SEMA5A: variants seen among roughly 807,000 people sequenced by gnomAD.
The protein encoded by SEMA5A is semaphorin-5A.
SEMA5A carries 55 observed loss-of-function variants against 135.5 expected under a neutral mutation model. The observed-to-expected ratio is 0.41, with a 90% confidence interval of 0.33 to 0.51. The LOEUF is 0.51. SEMA5A is among the 20% of genes least tolerant of loss of function. The pLI, the probability that SEMA5A is intolerant of heterozygous loss-of-function variation, is 0.37. For missense variants in SEMA5A, 1,290 were observed against 1,419.9 expected (o/e 0.91, Z 1.47); for synonymous variants, 580 against 546.5 (o/e 1.06, Z -0.85).
chr5:9,370,437 G>T (rs1755089845), intron 3 of SEMA5A, among the ~76,000 whole-genome samples: 1 of 152,164 alleles, frequency 6.6e-6, no homozygotes, highest in African/African-American at 2.4e-5. Context: ...GTGGATGACA[G>T]CATGAGTCTG....
intron 3 of SEMA5A, among the ~76,000 whole-genome samples, chr5:9,372,574 C>G (rs1046451731): frequency 6.6e-6 from 1 of 151,882 alleles, no homozygotes; most frequent in African/African-American, 2.4e-5. Flanking sequence ...AGCTGTGGGA[C>G]ACACATGGAA....
chr5:9,449,916 C>A (rs1238975444), intron 1 of SEMA5A, among the ~76,000 whole-genome samples: 1 of 152,210 alleles, frequency 6.6e-6, no homozygotes, highest in Non-Finnish European at 1.5e-5. Context: ...CAATAAAATT[C>A]TCTTTTCAAT....
At chr5:9,531,753 ACT>A (rs1282861513) in intron 1 of SEMA5A, among the ~76,000 whole-genome samples, 4 of 152,178 alleles carry the variant, frequency 2.6e-5, no homozygotes, top group Non-Finnish European at 5.9e-5. Flanking sequence ...GCCTCTACAC[ACT>A]GTCTTCCCAG....
At chr5:9,302,784 T>C (rs6890384) in intron 5 of SEMA5A, among the ~76,000 whole-genome samples, 151,940 of 152,320 alleles carry the variant, frequency 1, 75,783 homozygotes, top group Middle Eastern at 1. Context: ...ATTAGTTCAA[T>C]GTGTTTTCCC....
At chr5:9,052,397 C>A (rs956411003) in intron 19 of SEMA5A, among the ~76,000 whole-genome samples, 1 of 152,148 alleles carries the variant, frequency 6.6e-6, no homozygotes, top group Admixed American at 6.5e-5. Flanking sequence ...TGCCATTTTG[C>A]TATGGGTAAT....
chr5:9,122,945 GT>G (rs1352077149), intron 13 of SEMA5A, 108 bp from the exon 14 acceptor site: 10 of 1,008,724 alleles, frequency 9.9e-6, no homozygotes, highest in Non-Finnish European at 1.4e-5. Context: ...TCTAGAATTT[GT>G]TGTTGTTGTT....
intron 1 of SEMA5A, among the ~76,000 whole-genome samples, chr5:9,535,709 C>A (rs1737724228): frequency 6.6e-6 from 1 of 151,950 alleles, no homozygotes; most frequent in Admixed American, 6.6e-5. Flanking sequence ...GAGAGTGATT[C>A]AAAGATGGAA....
rs1561177769 is a variant in SEMA5A, at chr5:9,353,319, G to GAAATGAAAGGAAAGGA, written c.125-15508_125-15507insTCCTTTCCTTTCATTT. Reference sequence around the variant, plus strand: ...GAAGGGAAGGGAAGGGAAGGGAAAGGAAGGAAAGGAAAGGAAATGAAAGGA... The same window carrying GAAATGAAAGGAAAGGA: ...GAAGGGAAGGGAAGGGAAGGGAAAGGAAATGAAAGGAAAGGAAAGGAAAGGAAAGGAAATGAAAGGA... On this transcript the variant is annotated intron_variant, in intron 3 of 22. Coordinates refer to ENST00000382496, the MANE Select transcript of SEMA5A (RefSeq NM_003966.3). 1.7e-3 allele frequency among the ~76,000 whole-genome samples: 70 copies of GAAATGAAAGGAAAGGA among 41,004 alleles called. 1 individual carries two copies. The highest frequency in any genetic ancestry group is 5.1e-3 in the African/African-American group (69 of 13,414). 26.9% of individuals were successfully genotyped at this position (41,004 alleles called of 152,430 possible).
intron 5 of SEMA5A, among the ~76,000 whole-genome samples, chr5:9,284,269 T>C (rs926601917): frequency 1.3e-5 from 2 of 152,182 alleles, no homozygotes; most frequent in African/African-American, 2.4e-5. Context: ...AATGAAAGCA[T>C]ATCATAATGA....
chr5:9,375,494 C>A (rs527402875), intron 3 of SEMA5A, among the ~76,000 whole-genome samples: 6 of 151,460 alleles, frequency 4.0e-5, no homozygotes, highest in Non-Finnish European at 4.4e-5. Flanking sequence ...AAGCAGAGAT[C>A]GGTTCTTCTC....
rs143813229 is a variant in SEMA5A at position 9,172,636 on chromosome 5, A to G, written c.1273+17631T>C. On this transcript the variant is annotated intron_variant, in intron 11 of 22. Coordinates refer to ENST00000382496, the MANE Select transcript of SEMA5A (RefSeq NM_003966.3). The stretch of plus-strand genomic sequence containing the variant: ...AAAATTGAAGCCTACAGAAACCTCT[A>G]AACTGTTCTGGGTGTGTAGAAATCA... Among the ~76,000 whole-genome samples, 260 of 152,346 alleles carry G rather than the reference A, an allele frequency of 1.7e-3. 1 individual carries two copies. The highest frequency in any genetic ancestry group is 0.01 in the Middle Eastern group (3 of 294).
At chr5:9,144,814 A>G (rs996564007) in intron 12 of SEMA5A, among the ~76,000 whole-genome samples, 1 of 152,194 alleles carries the variant, frequency 6.6e-6, no homozygotes, top group African/African-American at 2.4e-5. Flanking sequence ...GTCATGCTAG[A>G]GTCTCATGAA....
At chr5:9,319,256 A>G (rs1216862544) in intron 4 of SEMA5A, among the ~76,000 whole-genome samples, 4 of 152,078 alleles carry the variant, frequency 2.6e-5, no homozygotes, top group Non-Finnish European at 4.4e-5. Context: ...ATTATATAGG[A>G]TTTGGTTTAA....
At chr5:9,484,648 A>T (rs1009710116) in intron 1 of SEMA5A, among the ~76,000 whole-genome samples, 5 of 152,194 alleles carry the variant, frequency 3.3e-5, no homozygotes, top group African/African-American at 1.2e-4. Flanking sequence ...TCACAGTTAA[A>T]TGTTATTTGG....
chr5:9,326,118 C>A (rs999967350), intron 4 of SEMA5A, among the ~76,000 whole-genome samples: 2 of 152,204 alleles, frequency 1.3e-5, no homozygotes, highest in Non-Finnish European at 2.9e-5. Flanking sequence ...CAGCTTCCTG[C>A]ACACAATACT....
At chr5:9,099,104 G>A (rs912577504) in intron 16 of SEMA5A, among the ~76,000 whole-genome samples, 1 of 152,076 alleles carries the variant, frequency 6.6e-6, no homozygotes, top group African/African-American at 2.4e-5. Context: ...ATATGTCCTA[G>A]AGGCAGACTC....
intron 3 of SEMA5A, among the ~76,000 whole-genome samples, chr5:9,354,579 C>T (rs1370585095): frequency 6.6e-6 from 1 of 152,166 alleles, no homozygotes; most frequent in Non-Finnish European, 1.5e-5. Context: ...AGCCTTCGGG[C>T]AGCAAACGTG....
At chr5:9,346,584 A>G (rs1409459895) in intron 3 of SEMA5A, among the ~76,000 whole-genome samples, 1 of 152,196 alleles carries the variant, frequency 6.6e-6, no homozygotes, top group African/African-American at 2.4e-5. Context: ...GCCAGCATCC[A>G]AAATTGCTCA....
chr5:9,336,031 G>A (rs375479048), intron 4 of SEMA5A, among the ~76,000 whole-genome samples: 1 of 152,088 alleles, frequency 6.6e-6, no homozygotes, highest in Admixed American at 6.5e-5. Context: ...TGTTACTAGG[G>A]CCACACAGGA....
Sources: gnomAD v4.1 joint callset for allele counts (sites outside exome capture counted in the v4.1 genomes callset) on GRCh38, gnomAD v4.1.1 for gene constraint, MANE v1.5 for transcripts, NCBI Gene and HGNC (gene_info 2026-07-23, HGNC 2026-07-21) for gene names.